DIAPH2: variants seen among roughly 807,000 people sequenced by gnomAD.
The protein encoded by DIAPH2 is protein diaphanous homolog 2.
A neutral mutation model predicts 92.7 loss-of-function variants in DIAPH2; 35 were observed. The observed-to-expected ratio is 0.38, with a 90% CI of 0.29 to 0.50. The LOEUF (loss-of-function observed/expected upper bound fraction) is 0.50. DIAPH2 is among the 20% of genes least tolerant of loss of function. DIAPH2 has a pLI of 0.94. For synonymous variants in DIAPH2, 301 were observed against 280.4 expected (o/e 1.07, Z -0.73); for missense variants, 701 against 819.5 (o/e 0.86, Z 1.77).
At chrX:97,527,646 G>A (rs1011896329) in intron 26 of DIAPH2, among the ~76,000 whole-genome samples, 1 of 112,351 alleles carries the variant, frequency 8.9e-6, no homozygotes, top group East Asian at 2.8e-4. Flanking sequence ...TGAAACAGTA[G>A]TGAACACATT....
chrX:96,812,395 T>C (rs1007488552), intron 4 of DIAPH2, among the ~76,000 whole-genome samples: 7 of 111,839 alleles, frequency 6.3e-5, no homozygotes, highest in African/African-American at 2.3e-4. Flanking sequence ...ATTGCATCTA[T>C]TCAATTCTTC....
At chrX:97,318,705 G>A (rs1281029754) in intron 23 of DIAPH2, among the ~76,000 whole-genome samples, 1 of 107,477 alleles carries the variant, frequency 9.3e-6, no homozygotes, top group Non-Finnish European at 1.9e-5. Flanking sequence ...GGTTGGTCTC[G>A]AACCCCTGAC....
At position 97,412,881 on chromosome X, in the gene DIAPH2, A is replaced by G. The variant is rs754474511; in HGVS notation, c.3146-16769A>G. Among the ~76,000 whole-genome samples the G allele has an allele frequency of 1.5e-3, 166 of 112,246 alleles. 1 individual carries two copies. Among genetic ancestry groups the G allele is most frequent in the African/African-American group, 5.0e-3 (155 of 30,921 alleles). On this transcript the variant is annotated intron_variant, in intron 25 of 26. Coordinates refer to ENST00000324765, the MANE Select transcript of DIAPH2 (RefSeq NM_006729.5). ...AGAAGTTGAATCTCTGAATAGACCA[A>G]TAACAGGCTCTGAAATTGAGGCAAT... is the stretch of plus-strand genomic sequence containing the variant.
intron 4 of DIAPH2, among the ~76,000 whole-genome samples, chrX:96,848,165 G>T (rs763889876): frequency 1.8e-4 from 20 of 110,671 alleles, no homozygotes; most frequent in African/African-American, 6.2e-4. Flanking sequence ...TCAGCCTCCT[G>T]AATAGCCAGG....
chrX:96,771,486 C>A (rs1042249458), intron 4 of DIAPH2, among the ~76,000 whole-genome samples: 2 of 111,095 alleles, frequency 1.8e-5, no homozygotes, highest in Admixed American at 9.6e-5. Context: ...ATTTTACTAA[C>A]AATGGAAAAA....
chrX:96,951,201 T>C (rs67599807), intron 15 of DIAPH2, among the ~76,000 whole-genome samples: 35,339 of 110,834 alleles, frequency 0.32, 5,096 homozygotes, highest in South Asian at 0.53. Flanking sequence ...TAGAGCTTAG[T>C]TGAGAAATGT....
intron 22 of DIAPH2, among the ~76,000 whole-genome samples, chrX:97,185,519 A>C (rs868482350): frequency 2.1e-4 from 10 of 46,567 alleles, no homozygotes; most frequent in East Asian, 1.9e-3. Context: ...ATATATATAT[A>C]TCTCACTTCT....
At chrX:97,315,225 G>A (rs779941366) in intron 23 of DIAPH2, among the ~76,000 whole-genome samples, 6 of 111,393 alleles carry the variant, frequency 5.4e-5, no homozygotes, top group South Asian at 7.6e-4. Context: ...GATTGCTTGA[G>A]ACCAGGAGAT....
Position 97,141,721 on chromosome X carries a change from C to T in DIAPH2, c.2646C>T (p.Asp882=). Residue 882 remains aspartate (D), a synonymous_variant, in exon 22 of 27, where the codon GAC becomes GAT. Transcript: ENST00000324765. ...QKTTLLHFIA[D]ICEEKYRDIL... ...CAACCCTTTTGCATTTTATTGCCGA[C>T]ATTTGTGAGGAAAAATATCGAGATA... is the stretch of plus-strand genomic sequence containing the variant. 1.7e-6 allele frequency: 2 copies of T among 1,205,989 alleles called. No individual in the cohort carries two copies. Among genetic ancestry groups the T allele is most frequent in the African/African-American group, 1.7e-5 (1 of 57,578 alleles).
chrX:96,957,877 C>T lies in DIAPH2; in HGVS notation c.1664C>T (p.Pro555Leu), dbSNP rs1468900668. ...SSGIPGPPAA[P>L]PLPGVGPPPP... is the part of the protein sequence containing the mutation. The stretch of plus-strand genomic sequence containing the variant: ...GGAATTCCAGGTCCTCCTGCAGCAC[C>T]TCCATTGCCAGGTGTAGGGCCGCCT... Residue 555 changes from proline (P) to leucine (L), a missense_variant, in exon 16 of 27, where the codon CCT becomes CTT. By Grantham distance (98) the Pro-to-Leu change is moderately conservative. This residue lies in a region of DIAPH2 where 536 missense variants were observed against 599.3 expected (regional missense o/e 0.89). Transcript: ENST00000324765. 2.5e-6 allele frequency: 3 copies of T among 1,211,083 alleles called. No homozygotes were observed. Among genetic ancestry groups the T allele is most frequent in the Non-Finnish European group, 3.4e-6 (3 of 895,291 alleles).
intron 1 of DIAPH2, among the ~76,000 whole-genome samples, chrX:96,718,336 GTTTTTTTTTTTTTT>G (rs962776012): frequency 2.7e-4 from 3 of 10,992 alleles, no homozygotes; most frequent in Non-Finnish European, 4.2e-4. Context: ...CATTTTCTTT[GTTTTTTTTTTTTTT>G]TTTTTTTTTT....
intron 16 of DIAPH2, 119 bp downstream of exon 16, chrX:96,958,267 C>T (rs1170440927): frequency 8.9e-6 from 7 of 790,814 alleles, no homozygotes; most frequent in Non-Finnish European, 1.2e-5. Context: ...TTTGTGGGTT[C>T]ATCATTTTAT....
intron 16 of DIAPH2, among the ~76,000 whole-genome samples, chrX:96,959,100 A>G (rs970967498): frequency 3.6e-5 from 4 of 111,571 alleles, no homozygotes; most frequent in Non-Finnish European, 7.6e-5. Flanking sequence ...TTTCCTTTGT[A>G]TAAATACTCA....
At chrX:97,124,008 C>A (rs1189125665) in intron 21 of DIAPH2, among the ~76,000 whole-genome samples, 2 of 111,852 alleles carry the variant, frequency 1.8e-5, no homozygotes, top group Non-Finnish European at 3.8e-5. Context: ...AAAATGATAG[C>A]CTCAATTTTT....
intron 26 of DIAPH2, among the ~76,000 whole-genome samples, chrX:97,446,478 T>C (rs1785422587): frequency 8.9e-6 from 1 of 112,013 alleles, no homozygotes; most frequent in Non-Finnish European, 1.9e-5. Flanking sequence ...TTCTTTATTA[T>C]TAAGGCATGT....
At chrX:97,495,839 T>C (rs1170357882) in intron 26 of DIAPH2, among the ~76,000 whole-genome samples, 1 of 111,984 alleles carries the variant, frequency 8.9e-6, no homozygotes, top group East Asian at 2.8e-4. Context: ...ATTTTAACCA[T>C]TCCCCTACAT....
At chrX:97,447,727 G>A in intron 26 of DIAPH2, among the ~76,000 whole-genome samples, 1 of 111,368 alleles carries the variant, frequency 9.0e-6, no homozygotes, top group African/African-American at 3.3e-5. Flanking sequence ...ACAAACCACC[G>A]TTACATTTTT....
Position 97,114,886 on chromosome X carries a change from T to C in DIAPH2, c.2510T>C (p.Val837Ala). The C allele has an allele frequency of 8.3e-7, 1 of 1,210,033 alleles. No homozygotes were observed. The highest frequency in any genetic ancestry group is 1.1e-6 in the Non-Finnish European group (1 of 894,428). The change falls in exon 21 of 27, where the codon GTT becomes GCT. Residue 837 changes from valine to alanine, a missense_variant. This residue lies in a region of DIAPH2 where 536 missense variants were observed against 599.3 expected (regional missense o/e 0.89). Coordinates refer to ENST00000324765, the MANE Select transcript of DIAPH2 (RefSeq NM_006729.5). ...AGCTTTAACAGACTTTTAGAGTTAG[T>C]TCTTCTTGTTGGAAACTACATGAAC... ...SESFNRLLELVLLVGNYMNSG... is the reference protein window; with the variant it reads ...SESFNRLLELALLVGNYMNSG...
At chrX:97,224,350 T>A (rs774571875) in intron 22 of DIAPH2, among the ~76,000 whole-genome samples, 50 of 112,002 alleles carry the variant, frequency 4.5e-4, no homozygotes, top group African/African-American at 1.4e-3. Flanking sequence ...TGGTTTCATT[T>A]ATGGACTGAG....
Sources: gnomAD v4.1 joint callset for allele counts (sites outside exome capture counted in the v4.1 genomes callset) on GRCh38, gnomAD v4.1.1 for gene constraint, gnomAD v4.1.1 regional missense constraint, MANE v1.5 for transcripts, NCBI Gene and HGNC (gene_info 2026-07-23, HGNC 2026-07-21) for gene names.